KIAA1328: variants seen among roughly 807,000 people sequenced by gnomAD.
KIAA1328 encodes KIAA1328, also known as protein hinderin.
A neutral mutation model predicts 68.1 loss-of-function variants in KIAA1328; 52 were observed. The ratio of observed to expected loss-of-function variants is 0.76; its 90% CI spans 0.61 to 0.96. The LOEUF is 0.96. KIAA1328 is among the 40% of genes least tolerant of loss of function. The pLI is 0.00. For synonymous variants in KIAA1328, 232 were observed against 239.4 expected, an observed-to-expected ratio of 0.97 and a Z score of 0.28; for missense variants, 641 against 677.6, an observed-to-expected ratio of 0.95 and a Z score of 0.60.
At chr18:37,121,842 G>T (rs1265196292) in intron 7 of KIAA1328, among the ~76,000 whole-genome samples, 2 of 149,520 alleles carry the variant, frequency 1.3e-5, no homozygotes, top group African/African-American at 5.1e-5. Flanking sequence ...GTGAATGCAT[G>T]AATGAAGGAG....
In KIAA1328 at chr18:36,875,218, G is replaced by A. The variant is rs550865637; in HGVS notation, c.333-10339G>A. Reference sequence around the variant, plus strand: ...TCTAATTCTGTGAAGAAAGTCAATGGTAGCTTGATGGGAATAGCAATGAAT... The same window carrying A: ...TCTAATTCTGTGAAGAAAGTCAATGATAGCTTGATGGGAATAGCAATGAAT... On this transcript the variant is annotated intron_variant, in intron 4 of 9. Transcript: ENST00000280020. Among the ~76,000 whole-genome samples, 3 of 152,308 alleles carry A rather than the reference G, an allele frequency of 2.0e-5. No individual in the cohort carries two copies. In the South Asian group the frequency reaches 6.2e-4, roughly 32 times the overall value.
At chr18:36,886,332 C>A in intron 5 of KIAA1328, 1 of 152,144 alleles carries the variant, frequency 6.6e-6, no homozygotes, top group Non-Finnish European at 1.5e-5. Context: ...GGTATTCTTT[C>A]TAGTTAAAGC....
At chr18:36,995,474 A>T (rs1568268090) in intron 6 of KIAA1328, among the ~76,000 whole-genome samples, 1 of 151,756 alleles carries the variant, frequency 6.6e-6, no homozygotes, top group Non-Finnish European at 1.5e-5. Context: ...TATCTTTTCC[A>T]GTTTCTCGGT....
intron 8 of KIAA1328, among the ~76,000 whole-genome samples, chr18:37,163,108 CT>C (rs773939478): frequency 1.3e-5 from 2 of 152,148 alleles, no homozygotes; most frequent in Non-Finnish European, 2.9e-5. Context: ...TTTCATTCCT[CT>C]TTTTTCCTCC....
intron 4 of KIAA1328, among the ~76,000 whole-genome samples, chr18:36,859,162 A>T (rs901969697): frequency 1.3e-5 from 2 of 151,994 alleles, no homozygotes; most frequent in African/African-American, 2.4e-5. Context: ...TTATATCTTA[A>T]TATCTGTGTG....
intron 6 of KIAA1328, among the ~76,000 whole-genome samples, chr18:37,039,996 C>T (rs898252006): frequency 1.3e-5 from 2 of 152,198 alleles, no homozygotes; most frequent in Admixed American, 1.3e-4. Context: ...CTGAGGGCCA[C>T]TCTCATCTTA....
chr18:37,016,836 A>G (rs984870034), intron 6 of KIAA1328, among the ~76,000 whole-genome samples: 1 of 151,908 alleles, frequency 6.6e-6, no homozygotes, highest in Admixed American at 6.6e-5. Context: ...TTCTGTTTGT[A>G]CTTACTTGGA....
chr18:37,067,334 T>C lies in KIAA1328; in HGVS notation c.1021T>C (p.Ser341Pro). The change falls in exon 7 of 10, where the codon TCT (serine) becomes CCT (proline). Residue 341 changes from serine (S) to proline (P), a missense_variant. Transcript: ENST00000280020. ...AGAATCATGCAGTTATTGTCGGCTT[T>C]CTTGGGCATCTCTGGTGCATGGTGG... is the stretch of plus-strand genomic sequence containing the variant. ...HPESCSYCRL[S>P]WASLVHGGGA... 1 of 1,613,984 alleles carries C rather than the reference T, an allele frequency of 6.2e-7. No homozygotes were observed. The highest frequency in any genetic ancestry group is 8.5e-7 in the Non-Finnish European group (1 of 1,179,886).
At chr18:36,849,896 A>G (rs370831074) in intron 4 of KIAA1328, among the ~76,000 whole-genome samples, 40 of 152,202 alleles carry the variant, frequency 2.6e-4, no homozygotes, top group African/African-American at 8.4e-4. Context: ...ATGCTAGTAG[A>G]TATGCAGTGG....
chr18:37,054,018 A>G (rs1200839322), intron 6 of KIAA1328, among the ~76,000 whole-genome samples: 2 of 152,176 alleles, frequency 1.3e-5, no homozygotes, highest in Non-Finnish European at 2.9e-5. Context: ...CACTTCACAA[A>G]AGAAGATATG....
chr18:37,154,471 G>T (rs777338760), intron 7 of KIAA1328, among the ~76,000 whole-genome samples: 1 of 152,114 alleles, frequency 6.6e-6, no homozygotes, highest in Non-Finnish European at 1.5e-5. Flanking sequence ...TACTGCAGCA[G>T]TCCATCCTTT....
chr18:37,048,755 C>T (rs772572803), intron 6 of KIAA1328, among the ~76,000 whole-genome samples: 1 of 152,120 alleles, frequency 6.6e-6, no homozygotes, highest in Non-Finnish European at 1.5e-5. Flanking sequence ...TTTTATCAGT[C>T]TGTAAACACT....
chr18:36,892,627 C>T (rs918963355), intron 5 of KIAA1328, among the ~76,000 whole-genome samples: 2 of 152,136 alleles, frequency 1.3e-5, no homozygotes, highest in East Asian at 3.9e-4. Context: ...ATCACGAATA[C>T]TACAGAAGTT....
intron 3 of KIAA1328, among the ~76,000 whole-genome samples, chr18:36,843,656 T>C (rs1182596938): frequency 1.3e-5 from 2 of 152,166 alleles, no homozygotes; most frequent in Non-Finnish European, 2.9e-5. Context: ...TAACTATTAA[T>C]ACTTAATAGC....
chr18:37,003,075 G>A (rs865937619), intron 6 of KIAA1328, among the ~76,000 whole-genome samples: 1 of 152,100 alleles, frequency 6.6e-6, no homozygotes. Context: ...TAACAAAGCC[G>A]ACAACTTACA....
At chr18:36,993,379 G>C (rs2053266459) in intron 6 of KIAA1328, among the ~76,000 whole-genome samples, 1 of 152,074 alleles carries the variant, frequency 6.6e-6, no homozygotes, top group South Asian at 2.1e-4. Flanking sequence ...TTTGTTTTCA[G>C]AATAAATCTG....
chr18:37,229,978 GTT>G (rs961973028), downstream of KIAA1328: 15 of 154,562 alleles, frequency 9.7e-5, no homozygotes, highest in African/African-American at 3.6e-4. Context: ...TAGTACGACA[GTT>G]TCTTTATTGG....
chr18:37,166,342 C>T lies in KIAA1328; in HGVS notation c.1414+5961C>T, dbSNP rs998806275. 5.3e-5 allele frequency among the ~76,000 whole-genome samples: 8 copies of T among 152,246 alleles called. 1 individual carries two copies. Among genetic ancestry groups the T allele is most frequent in the Admixed American group, 4.6e-4 (7 of 15,292 alleles). ...GCCCTACCCCAAGCTTTTCCCAACC[C>T]GCAGCCCGTGGGCCATATGTGGCCC... is the stretch of plus-strand genomic sequence containing the variant. On this transcript the variant is annotated intron_variant, in intron 8 of 9. Coordinates refer to ENST00000280020, the MANE Select transcript of KIAA1328 (RefSeq NM_020776.3).
chr18:36,965,347 T>G (rs2051876444), intron 6 of KIAA1328, among the ~76,000 whole-genome samples: 1 of 151,826 alleles, frequency 6.6e-6, no homozygotes, highest in African/African-American at 2.4e-5. Context: ...TGAAATGTAC[T>G]AAAGATGGGT....
Sources: allele counts gnomAD v4.1 joint callset (sites outside exome capture counted in the v4.1 genomes callset), GRCh38; gene constraint gnomAD v4.1.1; transcripts MANE v1.5; gene names NCBI Gene and HGNC (gene_info 2026-07-23, HGNC 2026-07-21).